Variants in TENM2 observed in about 807,000 individuals in gnomAD.
The protein encoded by TENM2 is teneurin transmembrane protein 2.
TENM2 carries 52 observed loss-of-function variants against 245.2 expected under a neutral mutation model. The ratio of observed to expected loss-of-function variants is 0.21; its 90% CI spans 0.17 to 0.27. The LOEUF (loss-of-function observed/expected upper bound fraction) is 0.27. Among genes scored for constraint, TENM2 ranks in the 10% least tolerant of loss-of-function variants. The probability of loss-of-function intolerance (pLI) is 1.00; values close to 1 mark genes in which losing one functional copy is unlikely to be tolerated. For missense variants in TENM2, 3,046 were observed against 3,666.8 expected, an observed-to-expected ratio of 0.83 and a Z score of 4.37; for synonymous variants, 1,363 against 1,438.9, an observed-to-expected ratio of 0.95 and a Z score of 1.19.
intron 2 of TENM2, among the ~76,000 whole-genome samples, chr5:167,849,342 G>GT (rs1770355968): frequency 6.6e-6 from 1 of 151,988 alleles, no homozygotes; most frequent in Non-Finnish European, 1.5e-5. Context: ...AAAAAAAATT[G>GT]TTTTTCCCCA....
chr5:167,106,177 A>G, the TENM2 span, among the ~76,000 whole-genome samples: 2 of 152,130 alleles, frequency 1.3e-5, no homozygotes, highest in Non-Finnish European at 2.9e-5. Context: ...GTTTTCCAGT[A>G]TTAAATAAAC....
At chr5:168,261,184 AC>A (rs1463800593) in intron 28 of TENM2, among the ~76,000 whole-genome samples, 1 of 152,038 alleles carries the variant, frequency 6.6e-6, no homozygotes, top group African/African-American at 2.4e-5. Flanking sequence ...TACCTCCCAA[AC>A]GCAGCCTCTC....
chr5:168,143,207 G>A (rs1200126733), intron 12 of TENM2, among the ~76,000 whole-genome samples: 1 of 151,726 alleles, frequency 6.6e-6, no homozygotes, highest in Non-Finnish European at 1.5e-5. Flanking sequence ...TGCAGTGGGG[G>A]TAATATCACC....
At chr5:167,312,122 C>T (rs1756067776) in intron 1 of TENM2, among the ~76,000 whole-genome samples, 1 of 152,094 alleles carries the variant, frequency 6.6e-6, no homozygotes, top group African/African-American at 2.4e-5. Flanking sequence ...TATACATACA[C>T]ATATGTGCAT....
Position 167,489,268 on chromosome 5 carries a change from A to G in TENM2, c.502+113795A>G, listed in dbSNP as rs534309012. Among the ~76,000 whole-genome samples the G allele has an allele frequency of 2.6e-5, 4 of 152,294 alleles. No individual in the cohort carries two copies. In the East Asian group the frequency reaches 7.7e-4, roughly 29 times the overall value. ...AGGGTCTAATGCCTTACAATGACCTATGCAATCTGGCTCTACTGACCTTTC... is the reference window on the plus strand; with the variant it reads ...AGGGTCTAATGCCTTACAATGACCTGTGCAATCTGGCTCTACTGACCTTTC... On this transcript the variant is annotated intron_variant, in intron 2 of 28. Transcript: ENST00000518659.
At position 167,932,558 on chromosome 5, in the gene TENM2, T is replaced by C. The variant is rs190873307; in HGVS notation, c.713-20030T>C. ...TTCATTCATTCAAACATACATATAA[T>C]ATACAATAAACATACATACATATGT... is the stretch of plus-strand genomic sequence containing the variant. On this transcript the variant is annotated intron_variant, in intron 3 of 28. Transcript: ENST00000518659. Among the ~76,000 whole-genome samples, 60 of 152,252 alleles carry C rather than the reference T, an allele frequency of 3.9e-4. 1 individual carries two copies. The highest frequency in any genetic ancestry group is 7.4e-5 in the Non-Finnish European group (5 of 68,006).
intron 1 of TENM2, among the ~76,000 whole-genome samples, chr5:167,302,788 G>T (rs1030378083): frequency 7.9e-5 from 12 of 152,078 alleles, no homozygotes; most frequent in African/African-American, 2.9e-4. Context: ...TGTGGTTCTT[G>T]CCCCTCCCCC....
intron 1 of TENM2, among the ~76,000 whole-genome samples, chr5:167,311,356 C>A (rs1162002986): frequency 6.6e-6 from 1 of 152,078 alleles, no homozygotes; most frequent in Non-Finnish European, 1.5e-5. Flanking sequence ...TTGTTTTTAT[C>A]ATTTTGGCAT....
At chr5:167,175,383 T>C in the TENM2 span, among the ~76,000 whole-genome samples, 1 of 152,234 alleles carries the variant, frequency 6.6e-6, no homozygotes, top group Non-Finnish European at 1.5e-5. Flanking sequence ...TAAAATGATG[T>C]AATAAATGTA....
the TENM2 span, among the ~76,000 whole-genome samples, chr5:167,254,573 T>C: frequency 0.016 from 2,361 of 152,276 alleles, 30 homozygotes; most frequent in Non-Finnish European, 0.026. Flanking sequence ...TCTAGAAATG[T>C]AGTGCTCTTC....
At chr5:167,798,808 A>G (rs1035856756) in intron 2 of TENM2, among the ~76,000 whole-genome samples, 2 of 152,172 alleles carry the variant, frequency 1.3e-5, no homozygotes, top group Non-Finnish European at 2.9e-5. Context: ...TCAAAGACAC[A>G]CTAAACTCCA....
At chr5:167,430,059 A>G (rs1764122769) in intron 2 of TENM2, among the ~76,000 whole-genome samples, 1 of 152,066 alleles carries the variant, frequency 6.6e-6, no homozygotes, top group Non-Finnish European at 1.5e-5. Flanking sequence ...AAAAGATTAG[A>G]CTGGTGGGGA....
chr5:167,744,019 G>A (rs1761387122), intron 2 of TENM2, among the ~76,000 whole-genome samples: 1 of 152,184 alleles, frequency 6.6e-6, no homozygotes. Flanking sequence ...TGGCTTGCCT[G>A]TGCTCACACA....
Position 168,218,964 on chromosome 5 carries a change from C to T in TENM2, c.5073C>T (p.Thr1691=). Reference sequence around the variant, plus strand: ...ATGGCAACACTGGGCTCCTGGCCACCAAGAGCGATGAAACAGGATGGACGA... The same window carrying T: ...ATGGCAACACTGGGCTCCTGGCCACTAAGAGCGATGAAACAGGATGGACGA... Residue 1691 remains threonine, a synonymous_variant, in exon 23 of 29, where the codon ACC becomes ACT. Coordinates refer to ENST00000518659, the Ensembl canonical transcript of TENM2. This position sits in a 1 kb window ranked among gnomAD's most constrained non-coding sequence, Gnocchi z 5.2. 11 of 1,613,884 alleles carry T rather than the reference C, an allele frequency of 6.8e-6. No homozygotes were observed. The highest frequency in any genetic ancestry group is 9.3e-6 in the Non-Finnish European group (11 of 1,179,844).
intron 2 of TENM2, among the ~76,000 whole-genome samples, chr5:167,489,031 C>T (rs983093508): frequency 3.3e-5 from 5 of 152,172 alleles, no homozygotes; most frequent in African/African-American, 7.2e-5. Context: ...ACCGCTGCCA[C>T]GTCCACTGCT....
intron 2 of TENM2, among the ~76,000 whole-genome samples, chr5:167,690,283 A>G (rs1757342077): frequency 2.0e-5 from 3 of 151,994 alleles, no homozygotes; most frequent in African/African-American, 4.8e-5. Context: ...ATTTACTTTT[A>G]TGTATTTTTT....
intron 2 of TENM2, among the ~76,000 whole-genome samples, chr5:167,538,535 G>T (rs1771995742): frequency 2.0e-5 from 3 of 152,190 alleles, no homozygotes; most frequent in Admixed American, 2.0e-4. Context: ...GGTAATGTCT[G>T]CCAGACTTTT....
chr5:167,855,012 A>T (rs59859592), intron 2 of TENM2, among the ~76,000 whole-genome samples: 12,738 of 152,134 alleles, frequency 0.084, 1,779 homozygotes, highest in African/African-American at 0.29. Context: ...AACCATATGT[A>T]GTATCTTGTC....
chr5:168,047,292 T>C (rs571738184), intron 5 of TENM2, 135 bp from the exon 8 acceptor site: 195 of 927,804 alleles, frequency 2.1e-4, no homozygotes, highest in Non-Finnish European at 3.0e-4. Context: ...CTAATCCCTG[T>C]GGCCTGGGGC....
Sources: gnomAD v4.1 joint callset for allele counts (sites outside exome capture counted in the v4.1 genomes callset) on GRCh38, gnomAD v4.1.1 for gene constraint, Gnocchi (gnomAD v3.1) non-coding constraint, MANE v1.5 for transcripts, NCBI Gene and HGNC (gene_info 2026-07-23, HGNC 2026-07-21) for gene names.